The following PNISR variants were observed in gnomAD, a reference collection of about 807,000 sequenced individuals.
PNISR encodes arginine/serine-rich protein PNISR.
In PNISR, 20 loss-of-function variants were observed where a neutral mutation model predicts 93.4. The observed-to-expected ratio is 0.21, with a 90% CI of 0.15 to 0.31. PNISR has a LOEUF of 0.31. Ranked by LOEUF, PNISR falls within the 10% of genes least tolerant of loss-of-function variation. PNISR has a pLI of 1.00. For missense variants in PNISR, 893 were observed against 985.4 expected (o/e 0.91, Z 1.25); for synonymous variants, 305 against 306.5 (o/e 0.99, Z 0.05).
At chr6:99,405,349 C>T (rs986304103) in intron 8 of PNISR, among the ~76,000 whole-genome samples, 5 of 151,984 alleles carry the variant, frequency 3.3e-5, no homozygotes, top group African/African-American at 7.2e-5. Context: ...CACCTGCAAT[C>T]CCAACTACTC....
At chr6:99,424,782 C>T (rs1779222134) in intron 1 of PNISR, 1 of 157,096 alleles carries the variant, frequency 6.4e-6, no homozygotes, top group Non-Finnish European at 1.4e-5. Flanking sequence ...TGGGTAAGAA[C>T]ACACGAAAAA....
chr6:99,412,675 T>C lies in PNISR; in HGVS notation c.153A>G (p.Gln51=), dbSNP rs1777101632. 6.2e-7 allele frequency: 1 copy of C among 1,612,564 alleles called. No individual in the cohort carries two copies. Among genetic ancestry groups the C allele is most frequent in the South Asian group, 1.1e-5 (1 of 90,816 alleles). The change falls in exon 4 of 12, where the codon CAA becomes CAG. Residue 51 remains glutamine, a synonymous_variant. Coordinates refer to ENST00000369239, the MANE Select transcript of PNISR (RefSeq NM_032870.4). The part of the protein sequence containing the change: ...WIAQREASGQ[Q]SMVEQPPGMM... ...TTCCTGGTGGTTGTTCTACCATGCT[T>C]TGCTGTCCTGAAGCTTCTCTTTGGG...
At position 99,400,838 on chromosome 6, in the gene PNISR, TGAC is replaced by T; in HGVS notation, c.2117_2119del (p.Ser706_Gln707delinsLys). The stretch of plus-strand genomic sequence containing the variant: ...TCGTTTCCTTTTTAATCTATCATCC[TGAC>T]TACTGAACTTAAAATCTTTTTCTTC... On this transcript the variant is annotated inframe_deletion, in exon 12 of 12. Transcript: ENST00000369239. The T allele has an allele frequency of 6.2e-7, 1 of 1,610,430 alleles. No homozygotes were observed. The highest frequency in any genetic ancestry group is 8.5e-7 in the Non-Finnish European group (1 of 1,177,444).
At chr6:99,402,945 A>G (rs1775709934) in intron 10 of PNISR, 1 of 355,878 alleles carries the variant, frequency 2.8e-6, no homozygotes, top group African/African-American at 2.1e-5. Flanking sequence ...TTCTCACTGT[A>G]AAGGAATGAT....
rs770886038 is a variant in PNISR, at chr6:99,400,844, C to A, written c.2114G>T (p.Ser705Ile). The A allele has an allele frequency of 6.8e-6, 11 of 1,607,390 alleles. No individual in the cohort carries two copies. Among genetic ancestry groups the A allele is most frequent in the Non-Finnish European group, 9.4e-6 (11 of 1,176,228 alleles). The change falls in exon 12 of 12, where the codon AGT (serine) becomes ATT (isoleucine). Residue 705 changes from serine (S) to isoleucine (I), a missense_variant. Physicochemically the swap from Ser to Ile is moderately radical, Grantham distance 142 (BLOSUM62 -2). Around this residue, in one of 3 missense-constraint regions of PNISR, gnomAD observed 866 missense variants for 935.1 expected, o/e 0.93. Coordinates refer to ENST00000369239, the MANE Select transcript of PNISR (RefSeq NM_032870.4). ...CCTTTTTAATCTATCATCCTGACTA[C>A]TGAACTTAAAATCTTTTTCTTCCCT... ...QKREEKDFKF[S>I]SQDDRLKRKR...
intron 7 of PNISR, 94 bp from the exon 8 acceptor site, chr6:99,406,262 G>A (rs1308140827): frequency 1.5e-6 from 1 of 671,898 alleles, no homozygotes; most frequent in Non-Finnish European, 2.3e-6. Context: ...AAATTAAAAA[G>A]TCTATGAAAC....
chr6:99,408,393 T>G, intron 6 of PNISR, 122 bp from the exon 7 acceptor site: 1 of 661,736 alleles, frequency 1.5e-6, no homozygotes, highest in East Asian at 2.7e-5. Flanking sequence ...TCACTTTTAG[T>G]AACAGCAGGG....
intron 1 of PNISR, 86 bp from the exon 2 acceptor site, chr6:99,416,514 C>A (rs966308189): frequency 7.0e-6 from 3 of 428,348 alleles, no homozygotes; most frequent in South Asian, 2.5e-4. Context: ...TAAGTGTGAT[C>A]ATCTCCAAGT....
At chr6:99,409,479 C>T in intron 5 of PNISR, 135 bp from the exon 6 acceptor site, 1 of 695,068 alleles carries the variant, frequency 1.4e-6, no homozygotes, top group Non-Finnish European at 2.3e-6. Context: ...CTAATATCCA[C>T]CGATACTTCT....
intron 5 of PNISR, 167 bp downstream of exon 5, chr6:99,410,574 C>A: frequency 3.8e-6 from 2 of 525,912 alleles, no homozygotes; most frequent in Non-Finnish European, 6.7e-6. Flanking sequence ...AATCAGAAAA[C>A]AAATTCTAAT....
chr6:99,419,152 C>A (rs1372580239), intron 1 of PNISR, among the ~76,000 whole-genome samples: 14 of 19,824 alleles, frequency 7.1e-4, no homozygotes, highest in African/African-American at 2.3e-3. Flanking sequence ...GACTCCGTCT[C>A]AAAAAAAAAA....
At chr6:99,408,429 G>A (rs1776426944) in intron 6 of PNISR, among the ~76,000 whole-genome samples, 158 bp from the exon 7 acceptor site, 1 of 152,088 alleles carries the variant, frequency 6.6e-6, no homozygotes, top group Non-Finnish European at 1.5e-5. Context: ...CTTACAATCT[G>A]CCAGGACACA....
chr6:99,401,019 C>T lies in PNISR; in HGVS notation c.1939G>A (p.Gly647Arg). ...RDRRKIDDQR[G>R]NLSGNSHKHK... Reference sequence around the variant, plus strand: ...TTATGACTGTTCCCACTAAGATTTCCACGTTGATCATCAATTTTACGCCTA... The same window carrying T: ...TTATGACTGTTCCCACTAAGATTTCTACGTTGATCATCAATTTTACGCCTA... The change falls in exon 12 of 12, where the codon GGA (glycine) becomes AGA (arginine). Residue 647 changes from glycine (G) to arginine (R), a missense_variant. Gly to Arg is a moderately radical substitution (Grantham distance 125). Transcript: ENST00000369239. 2 of 1,613,678 alleles carry T rather than the reference C, an allele frequency of 1.2e-6. No homozygotes were observed. Among genetic ancestry groups the T allele is most frequent in the Non-Finnish European group, 1.7e-6 (2 of 1,179,938 alleles).
chr6:99,415,424 A>G (rs1777547776), intron 2 of PNISR: 1 of 152,172 alleles, frequency 6.6e-6, no homozygotes, highest in Admixed American at 6.5e-5. Flanking sequence ...TAACATATAA[A>G]TAGCATGGAA....
chr6:99,401,192 A>C lies in PNISR; in HGVS notation c.1766T>G (p.Val589Gly). The C allele has an allele frequency of 6.2e-7, 1 of 1,613,836 alleles. No individual in the cohort carries two copies. The highest frequency in any genetic ancestry group is 8.5e-7 in the Non-Finnish European group (1 of 1,179,916). Residue 589 changes from valine to glycine, a missense_variant, in exon 12 of 12, where the codon GTA becomes GGA. Val to Gly is a moderately radical substitution (Grantham distance 109, BLOSUM62 -3). This residue lies in a region of PNISR where 866 missense variants were observed against 935.1 expected (regional missense o/e 0.93). Coordinates refer to ENST00000369239, the MANE Select transcript of PNISR (RefSeq NM_032870.4). ...RIKIESNRARVKIRDRRRSNR... is the reference protein window; with the variant it reads ...RIKIESNRARGKIRDRRRSNR... ...AGATCTCCTTCTATCTCTAATCTTT[A>C]CCCTAGCCCTATTGCTCTCTATTTT...
At chr6:99,416,974 G>GC (rs1177163740) in intron 1 of PNISR, among the ~76,000 whole-genome samples, 2 of 152,114 alleles carry the variant, frequency 1.3e-5, no homozygotes, top group Non-Finnish European at 2.9e-5. Context: ...CTTGCACATA[G>GC]CAGACACTAA....
chr6:99,400,745 T>C lies in PNISR; in HGVS notation c.2213A>G (p.Gln738Arg), dbSNP rs1333614690. 2 of 1,610,240 alleles carry C rather than the reference T, an allele frequency of 1.2e-6. No individual in the cohort carries two copies. The highest frequency in any genetic ancestry group is 8.5e-7 in the Non-Finnish European group (1 of 1,178,412). Residue 738 changes from glutamine (Q) to arginine (R), a missense_variant, in exon 12 of 12, where the codon CAG becomes CGG. By Grantham distance (43) the Gln-to-Arg change is conservative (BLOSUM62 1). Coordinates refer to ENST00000369239, the MANE Select transcript of PNISR (RefSeq NM_032870.4). ...SVKIIRHDSRQDSKKSTTKDS... is the reference protein window; with the variant it reads ...SVKIIRHDSRRDSKKSTTKDS... ...TTTGGTAGTACTTTTCTTACTATCCTGTCTAGAATCATGTCTTATGATTTT... is the reference window on the plus strand; with the variant it reads ...TTTGGTAGTACTTTTCTTACTATCCCGTCTAGAATCATGTCTTATGATTTT...
chr6:99,412,176 T>G (rs1241532357), intron 4 of PNISR: 1 of 448,710 alleles, frequency 2.2e-6, no homozygotes, highest in African/African-American at 2.0e-5. Context: ...AGTGACACAA[T>G]TTTTCTTTAA....
At chr6:99,402,767 C>T (rs1775674277) in intron 10 of PNISR, 57 bp from the exon 11 acceptor site, 1 of 1,296,690 alleles carries the variant, frequency 7.7e-7, no homozygotes, top group African/African-American at 1.5e-5. Context: ...GCACTAAAAA[C>T]TTTTCAAGGT....
Sources: allele counts gnomAD v4.1 joint callset (sites outside exome capture counted in the v4.1 genomes callset), GRCh38; gene constraint gnomAD v4.1.1; regional missense constraint gnomAD v4.1.1; transcripts MANE v1.5; gene names NCBI Gene and HGNC (gene_info 2026-07-23, HGNC 2026-07-21).